The following ITIH4 variants were observed in gnomAD, a reference collection of about 807,000 sequenced individuals.
ITIH4 encodes the protein inter-alpha-trypsin inhibitor heavy chain H4.
ITIH4 carries 79 observed loss-of-function variants against 111.8 expected under a neutral mutation model. The observed-to-expected ratio is 0.71, with a 90% CI of 0.59 to 0.85. The LOEUF (loss-of-function observed/expected upper bound fraction) is 0.85, where lower values mean the gene tolerates loss of function less well. Ranked by LOEUF, ITIH4 falls within the 40% of genes least tolerant of loss-of-function variation. The probability of loss-of-function intolerance (pLI) is 0.00; values close to 1 mark genes in which losing one functional copy is unlikely to be tolerated. For synonymous variants in ITIH4, 472 were observed against 468.3 expected (o/e 1.01, Z -0.10); for missense variants, 1,065 against 1,195.8 (o/e 0.89, Z 1.61).
rs772291690 is a variant in ITIH4 at position 52,824,502 on chromosome 3, C to T, written c.940G>A (p.Val314Ile). The T allele has an allele frequency of 5.3e-5, 86 of 1,613,992 alleles. No individual in the cohort carries two copies. The highest frequency in any genetic ancestry group is 6.9e-5 in the Non-Finnish European group (81 of 1,180,042). Residue 314 changes from valine (V) to isoleucine (I), a missense_variant, in exon 8 of 24, where the codon GTC becomes ATC. Coordinates refer to ENST00000266041, the MANE Select transcript of ITIH4 (RefSeq NM_002218.5). The surrounding 1 kb of genome is among the most constrained non-coding windows in gnomAD (Gnocchi z 4.3). ...CACTGAGTTGCTTCTGTACTGAAGA[C>T]GATGAGGTTGAACTGGTCTCTGGGG... ...LSPRDQFNLIVFSTEATQWRP... is the reference protein window; with the variant it reads ...LSPRDQFNLIIFSTEATQWRP...
rs1339341354 is a variant in ITIH4, at chr3:52,813,431, A to G, written c.2783T>C (p.Val928Ala). The part of the protein sequence containing the change: ...PPGVEISCWS[V>A]EL ...CTCCTTCCATCAGAACTACAGCTCC[A>G]CAGACCAGCAGGAAATCTCCACTCC... The change falls in exon 24 of 24, where the codon GTG (valine) becomes GCG (alanine). Residue 928 changes from valine to alanine, a missense_variant. Physicochemically the swap from Val to Ala is moderately conservative, Grantham distance 64. Transcript: ENST00000266041. 1.2e-6 allele frequency: 2 copies of G among 1,614,106 alleles called. No homozygotes were observed. The highest frequency in any genetic ancestry group is 1.7e-6 in the Non-Finnish European group (2 of 1,179,978).
At chr3:52,813,927 C>T (rs1490521961) in intron 23 of ITIH4, 48 bp downstream of exon 23, 1 of 1,495,144 alleles carries the variant, frequency 6.7e-7, no homozygotes, top group East Asian at 2.4e-5. Flanking sequence ...GCCTGCCAGT[C>T]CCCACCCCAC....
intron 2 of ITIH4, among the ~76,000 whole-genome samples, chr3:52,828,722 C>G (rs1348684097): frequency 6.6e-6 from 1 of 152,208 alleles, no homozygotes; most frequent in Non-Finnish European, 1.5e-5. Flanking sequence ...CCTCCTCAAG[C>G]CACTCTCCAC....
intron 23 of ITIH4, among the ~76,000 whole-genome samples, 197 bp from the exon 24 acceptor site, chr3:52,813,687 G>C (rs1402041710): frequency 6.6e-6 from 1 of 152,166 alleles, no homozygotes; most frequent in East Asian, 1.9e-4. Context: ...AGGTCTCCAG[G>C]GTTTAGGCTC....
rs2154111327 is a variant in ITIH4, at chr3:52,819,921, C to A, written c.1912+19G>T. On this transcript the variant is annotated intron_variant, in intron 15 of 23. Transcript: ENST00000266041. ...CCCAATCTGTCAATCTCCCCTCCCC[C>A]CACCTCCTACTTTGTCACCTGGTTT... 1 of 1,612,798 alleles carries A rather than the reference C, an allele frequency of 6.2e-7. No homozygotes were observed. Among genetic ancestry groups the A allele is most frequent in the Middle Eastern group, 1.6e-4 (1 of 6,062 alleles).
chr3:52,813,691 T>G (rs1700228110), intron 23 of ITIH4, among the ~76,000 whole-genome samples: 1 of 152,182 alleles, frequency 6.6e-6, no homozygotes, highest in Non-Finnish European at 1.5e-5. Context: ...CTCCAGGGTT[T>G]AGGCTCTGGG....
chr3:52,820,954 C>G, intron 12 of ITIH4, 37 bp downstream of exon 12: 1 of 1,605,204 alleles, frequency 6.2e-7, no homozygotes, highest in South Asian at 1.1e-5. Flanking sequence ...GTGCCTGCCC[C>G]CTAGCGACAG....
At chr3:52,819,846 A>G in intron 15 of ITIH4, 54 bp from the exon 16 acceptor site, 4 of 1,607,882 alleles carry the variant, frequency 2.5e-6, no homozygotes, top group Non-Finnish European at 3.4e-6. Flanking sequence ...GAGGGCTGTC[A>G]CCAGCCAGAG....
chr3:52,813,882 G>T, intron 23 of ITIH4, 93 bp downstream of exon 23: 1 of 967,880 alleles, frequency 1.0e-6, no homozygotes, highest in Non-Finnish European at 1.6e-6. Flanking sequence ...TCCTGGGCAA[G>T]GACAGGAGTG....
At chr3:52,821,269 G>A (rs1700376572) in intron 11 of ITIH4, 139 bp from the exon 12 acceptor site, 1 of 988,144 alleles carries the variant, frequency 1.0e-6, no homozygotes, top group East Asian at 2.5e-5. Context: ...CCTTTGAGTG[G>A]GGGTAAGGAG....
chr3:52,830,389 A>C, intron 1 of ITIH4, 164 bp downstream of exon 1: 1 of 732,230 alleles, frequency 1.4e-6, no homozygotes, highest in African/African-American at 1.7e-5. Flanking sequence ...AATACCAGTA[A>C]GGCCCTTGGG....
chr3:52,829,567 C>G (rs904027343), intron 1 of ITIH4, among the ~76,000 whole-genome samples: 16 of 152,198 alleles, frequency 1.1e-4, no homozygotes, highest in East Asian at 9.6e-4. Context: ...TGGAGAAGAA[C>G]AAGCATGCAG....
intron 23 of ITIH4, 137 bp from the exon 24 acceptor site, chr3:52,813,627 C>T: frequency 1.3e-6 from 1 of 753,156 alleles, no homozygotes; most frequent in East Asian, 2.6e-5. Context: ...CCAGCATAGG[C>T]CAACAAGGCC....
intron 11 of ITIH4, among the ~76,000 whole-genome samples, chr3:52,823,086 C>T (rs956294208): frequency 7.9e-5 from 12 of 152,202 alleles, no homozygotes; most frequent in Admixed American, 7.2e-4. Flanking sequence ...TGCTCAGTTT[C>T]TCTTTGTGGA....
In ITIH4 at chr3:52,823,952, G is replaced by T; in HGVS notation, c.1224C>A (p.Gly408=). ...IQNNVREAVS[G]RYSLFCLGFG... Reference sequence around the variant, plus strand: ...AGCCCAGGCAGAAGAGGCTGTACCGGCCACTTACAGCTTCCCGCACGTTAT... The same window carrying T: ...AGCCCAGGCAGAAGAGGCTGTACCGTCCACTTACAGCTTCCCGCACGTTAT... Residue 408 remains glycine (G), a synonymous_variant, in exon 10 of 24, where the codon GGC becomes GGA. Coordinates refer to ENST00000266041, the MANE Select transcript of ITIH4 (RefSeq NM_002218.5). 3 of 1,595,272 alleles carry T rather than the reference G, an allele frequency of 1.9e-6. No individual in the cohort carries two copies. In the South Asian group the frequency reaches 3.4e-5, roughly 18 times the overall value.
chr3:52,825,018 C>T, intron 6 of ITIH4, 60 bp from the exon 7 acceptor site: 1 of 1,174,060 alleles, frequency 8.5e-7, no homozygotes, highest in Middle Eastern at 2.0e-4. Flanking sequence ...TATCCCCATT[C>T]AGCCCCTTTA....
intron 18 of ITIH4, 73 bp from the exon 19 acceptor site, chr3:52,818,356 C>T: frequency 1.9e-6 from 3 of 1,570,696 alleles, no homozygotes; most frequent in Middle Eastern, 3.4e-4. Context: ...GGAGCAGTGA[C>T]TAGGTGTGGC....
chr3:52,822,360 AT>A (rs1700397838), intron 11 of ITIH4: 1 of 152,132 alleles, frequency 6.6e-6, no homozygotes, highest in South Asian at 2.1e-4. Context: ...AAAAAAAAAA[AT>A]CTTAGGTCTG....
chr3:52,819,307 G>C (rs550431815), intron 17 of ITIH4, 86 bp downstream of exon 17: 27 of 1,518,986 alleles, frequency 1.8e-5, no homozygotes, highest in Admixed American at 1.4e-4. Flanking sequence ...CCTGTGGTGC[G>C]TGCTTTACCC....
Sources: allele counts gnomAD v4.1 joint callset (sites outside exome capture counted in the v4.1 genomes callset), GRCh38; gene constraint gnomAD v4.1.1; non-coding constraint Gnocchi (gnomAD v3.1); transcripts MANE v1.5; gene names NCBI Gene and HGNC (gene_info 2026-07-23, HGNC 2026-07-21).